Variants in UBAP2L observed in about 807,000 individuals in gnomAD.
UBAP2L encodes ubiquitin-associated protein 2-like.
UBAP2L carries 12 observed loss-of-function variants against 130.6 expected under a neutral mutation model. The ratio of observed to expected loss-of-function variants is 0.09; its 90% CI spans 0.06 to 0.15. UBAP2L has a LOEUF of 0.15. Among genes scored for constraint, UBAP2L ranks in the 10% least tolerant of loss-of-function variants. The probability of loss-of-function intolerance (pLI) is 1.00; values close to 1 mark genes in which losing one functional copy is unlikely to be tolerated. For synonymous variants in UBAP2L, 503 were observed against 524.7 expected, an observed-to-expected ratio of 0.96 and a Z score of 0.57; for missense variants, 965 against 1,332.5, an observed-to-expected ratio of 0.72 and a Z score of 4.29.
intron 20 of UBAP2L, chr1:154,257,660 G>A (rs537600149): frequency 5.3e-4 from 288 of 538,340 alleles, no homozygotes; most frequent in Middle Eastern, 9.9e-4. Flanking sequence ...ACAGCGTGCA[G>A]TTCAAACCTG....
At chr1:154,220,369 G>T (rs555056807), upstream of UBAP2L, 1 of 1,614,238 alleles carries the variant, frequency 6.2e-7, no homozygotes, top group Non-Finnish European at 8.5e-7. Context: ...TCACCAGCAC[G>T]ACATTCACCC....
chr1:154,271,087 A>G (rs1157493537), downstream of UBAP2L: 4 of 768,706 alleles, frequency 5.2e-6, no homozygotes, highest in Non-Finnish European at 8.1e-6. Flanking sequence ...GGTGACTGGA[A>G]AGAACCACCA....
At chr1:154,222,436 G>T (rs544673379) in intron 1 of UBAP2L, among the ~76,000 whole-genome samples, 2 of 152,322 alleles carry the variant, frequency 1.3e-5, no homozygotes, top group African/African-American at 4.8e-5. Context: ...TTAAAGATTA[G>T]ACTATCTCAA....
intron 3 of UBAP2L, among the ~76,000 whole-genome samples, chr1:154,227,946 T>C (rs1311602808): frequency 1.3e-5 from 2 of 152,140 alleles, no homozygotes; most frequent in African/African-American, 2.4e-5. Flanking sequence ...TGAGCAGTTG[T>C]GGGTATAGGA....
chr1:154,253,580 GC>G (rs1322328949), intron 14 of UBAP2L, among the ~76,000 whole-genome samples: 2 of 151,540 alleles, frequency 1.3e-5, no homozygotes, highest in Non-Finnish European at 2.9e-5. Context: ...GACCATGTTA[GC>G]CAGGATGGTC....
intron 11 of UBAP2L, 65 bp downstream of exon 11, chr1:154,246,440 T>C (rs1169425736): frequency 5.2e-6 from 8 of 1,525,074 alleles, no homozygotes; most frequent in Non-Finnish European, 6.2e-6. Flanking sequence ...CATACACAGT[T>C]CCTTCCAAAG....
upstream of UBAP2L, chr1:154,220,660 T>G (rs1467975515): frequency 5.4e-6 from 3 of 559,426 alleles, no homozygotes; most frequent in Non-Finnish European, 9.6e-6. Flanking sequence ...CGTCGAGCGC[T>G]CAGACGCGGA....
rs1402988139 is a variant in UBAP2L at position 154,270,437 on chromosome 1, A to G, written c.*142A>G. ...GCGGCCCACCCCATGCCTCAGCTTCATGTCTGTCCCATTCCTATACCATCC... is the reference window on the plus strand; with the variant it reads ...GCGGCCCACCCCATGCCTCAGCTTCGTGTCTGTCCCATTCCTATACCATCC... On this transcript the variant is annotated 3_prime_UTR_variant, in exon 27 of 27. Coordinates refer to ENST00000428931, the MANE Select transcript of UBAP2L (RefSeq NM_014847.4). 1.4e-5 allele frequency: 22 copies of G among 1,522,220 alleles called. No individual in the cohort carries two copies. The highest frequency in any genetic ancestry group is 1.8e-5 in the Non-Finnish European group (21 of 1,142,712). The allele number at this position is 1,522,220 out of a possible 1,614,324, so 94.3% of individuals were successfully genotyped here. A position where few individuals can be genotyped will look rare whatever the true frequency, so the allele number is the denominator to read the frequency against.
rs761865904 is a variant in UBAP2L, at chr1:154,237,066, T to C, written c.633T>C (p.Asp211=). ...ATTATGCAGAGCCAGCCAATACTGA[T>C]GATAACTATGGCAATAGCAGCGGCA... ...PADYAEPANT[D]DNYGNSSGNT... The change falls in exon 8 of 27, where the codon GAT becomes GAC. Residue 211 remains aspartate (D), a synonymous_variant. Transcript: ENST00000428931. 3 of 1,614,072 alleles carry C rather than the reference T, an allele frequency of 1.9e-6. No individual in the cohort carries two copies. In the South Asian group the frequency reaches 3.3e-5, roughly 18 times the overall value.
chr1:154,237,461 T>A (rs953395373), intron 8 of UBAP2L, among the ~76,000 whole-genome samples: 3 of 152,240 alleles, frequency 2.0e-5, no homozygotes, highest in Non-Finnish European at 4.4e-5. Flanking sequence ...TGAAAGTCCA[T>A]GCCCTTTCAA....
At chr1:154,244,367 C>A (rs745968758) in intron 10 of UBAP2L, among the ~76,000 whole-genome samples, 15 of 152,066 alleles carry the variant, frequency 9.9e-5, no homozygotes, top group Admixed American at 2.6e-4. Flanking sequence ...CTTGCCGTTA[C>A]TGTTTTTTTG....
Position 154,249,328 on chromosome 1 carries a change from T to A in UBAP2L, c.1104T>A (p.Thr368=). 1 of 1,614,222 alleles carries A rather than the reference T, an allele frequency of 6.2e-7. No individual in the cohort carries two copies. Among genetic ancestry groups the A allele is most frequent in the Non-Finnish European group, 8.5e-7 (1 of 1,180,042 alleles). The change falls in exon 12 of 27, where the codon ACT becomes ACA. Residue 368 remains threonine (T), a synonymous_variant. Transcript: ENST00000428931. ...TGSQFLEQFK[T]AQALAQLAAQ... ...CCCAGTTCTTGGAGCAATTCAAGACTGCCCAAGCCCTGGCTCAGTTGGCAG... is the reference window on the plus strand; with the variant it reads ...CCCAGTTCTTGGAGCAATTCAAGACAGCCCAAGCCCTGGCTCAGTTGGCAG...
At chr1:154,236,094 C>G (rs1201189149) in intron 6 of UBAP2L, among the ~76,000 whole-genome samples, 2 of 152,178 alleles carry the variant, frequency 1.3e-5, no homozygotes, top group Non-Finnish European at 2.9e-5. Flanking sequence ...AATCTCTCAA[C>G]AGTAATGATT....
intron 18 of UBAP2L, among the ~76,000 whole-genome samples, chr1:154,256,491 T>G (rs556357675): frequency 1.3e-5 from 2 of 152,194 alleles, no homozygotes; most frequent in South Asian, 4.1e-4. Flanking sequence ...TTTTGAAGAT[T>G]GGCCAAGCAT....
intron 11 of UBAP2L, among the ~76,000 whole-genome samples, chr1:154,246,673 C>T (rs1268468257): frequency 2.0e-5 from 3 of 152,200 alleles, no homozygotes; most frequent in African/African-American, 7.2e-5. Flanking sequence ...ATGACATAAA[C>T]TTGTCAATAC....
chr1:154,249,310 C>T lies in UBAP2L; in HGVS notation c.1086C>T (p.Phe362=), dbSNP rs1213376575. Residue 362 remains phenylalanine (F), a synonymous_variant, in exon 12 of 27, where the codon TTC becomes TTT. Coordinates refer to ENST00000428931, the MANE Select transcript of UBAP2L (RefSeq NM_014847.4). ...AKGGSTTGSQ[F]LEQFKTAQAL... is the part of the protein sequence containing the mutation. ...GCGGCAGTACTACAGGCTCCCAGTT[C>T]TTGGAGCAATTCAAGACTGCCCAAG... 1.9e-6 allele frequency: 3 copies of T among 1,614,162 alleles called. No homozygotes were observed. The highest frequency in any genetic ancestry group is 2.5e-6 in the Non-Finnish European group (3 of 1,180,030).
chr1:154,255,377 G>T, intron 17 of UBAP2L, 51 bp downstream of exon 17: 1 of 1,596,860 alleles, frequency 6.3e-7, no homozygotes, highest in African/African-American at 1.3e-5. Context: ...CAATAACAGA[G>T]CTCTCTGGTC....
intron 8 of UBAP2L, among the ~76,000 whole-genome samples, chr1:154,239,691 G>GA (rs1018828595): frequency 2.6e-5 from 4 of 152,148 alleles, no homozygotes; most frequent in African/African-American, 9.7e-5. Context: ...TCAGTGTGCA[G>GA]AAAAAAATTC....
chr1:154,242,356 T>G (rs1174083749), intron 9 of UBAP2L, among the ~76,000 whole-genome samples: 1 of 152,248 alleles, frequency 6.6e-6, no homozygotes, highest in Non-Finnish European at 1.5e-5. Context: ...CTGTTTTGGT[T>G]GCCAATTCTG....
Sources: allele counts gnomAD v4.1 joint callset (sites outside exome capture counted in the v4.1 genomes callset), GRCh38; gene constraint gnomAD v4.1.1; transcripts MANE v1.5; gene names NCBI Gene and HGNC (gene_info 2026-07-23, HGNC 2026-07-21).